Variants in TMEM163 observed in about 807,000 individuals in gnomAD.
TMEM163 encodes the protein transmembrane protein 163.
TMEM163 carries 17 observed loss-of-function variants against 29.3 expected under a neutral mutation model. That is an observed-to-expected ratio of 0.58 (90% confidence interval 0.40 to 0.87). The LOEUF (loss-of-function observed/expected upper bound fraction) is 0.87. TMEM163 is among the 40% of genes least tolerant of loss of function. The pLI is 0.00. For synonymous variants in TMEM163, 157 were observed against 160.6 expected (o/e 0.98, Z 0.17); for missense variants, 303 against 381.5 (o/e 0.79, Z 1.71).
At chr2:134,510,600 C>G (rs572798898) in intron 4 of TMEM163, among the ~76,000 whole-genome samples, 3 of 152,222 alleles carry the variant, frequency 2.0e-5, no homozygotes, top group Admixed American at 6.5e-5. Flanking sequence ...TGGCAGAACT[C>G]GGTGACTGAC....
chr2:134,535,086 C>T (rs542993230), intron 4 of TMEM163, among the ~76,000 whole-genome samples: 3 of 152,332 alleles, frequency 2.0e-5, no homozygotes, highest in Non-Finnish European at 4.4e-5. Context: ...AACACATGTC[C>T]TCATATTCTG....
intron 4 of TMEM163, among the ~76,000 whole-genome samples, chr2:134,511,449 C>T (rs116737696): frequency 0.021 from 3,164 of 152,276 alleles, 89 homozygotes; most frequent in Middle Eastern, 0.15. Flanking sequence ...AGTCAGGAGA[C>T]GCAACCTGAC....
chr2:134,625,253 T>C (rs1682822858), intron 2 of TMEM163, among the ~76,000 whole-genome samples: 1 of 152,140 alleles, frequency 6.6e-6, no homozygotes, highest in Non-Finnish European at 1.5e-5. Flanking sequence ...AAAAAAGAAA[T>C]TTCTCCTCTT....
chr2:134,705,450 C>A (rs1422912421), intron 2 of TMEM163, among the ~76,000 whole-genome samples: 2 of 152,056 alleles, frequency 1.3e-5, no homozygotes, highest in Non-Finnish European at 2.9e-5. Flanking sequence ...AGGAGAGAGG[C>A]CTCAGAAGAA....
At chr2:134,710,922 C>T (rs982622085) in intron 2 of TMEM163, among the ~76,000 whole-genome samples, 7 of 152,156 alleles carry the variant, frequency 4.6e-5, no homozygotes, top group African/African-American at 7.2e-5. Flanking sequence ...TGATGCAACT[C>T]GGCCATTTCA....
intron 5 of TMEM163, among the ~76,000 whole-genome samples, chr2:134,489,407 G>A (rs769627774): frequency 3.9e-4 from 59 of 151,984 alleles, no homozygotes; most frequent in Middle Eastern, 3.4e-3. Context: ...GAAAAACCCC[G>A]TCTCTACTAA....
At chr2:134,714,173 AT>A (rs1239092373) in intron 1 of TMEM163, among the ~76,000 whole-genome samples, 2 of 152,062 alleles carry the variant, frequency 1.3e-5, no homozygotes, top group East Asian at 3.9e-4. Flanking sequence ...GAATGTCTTG[AT>A]TTATAGGTTT....
chr2:134,503,624 TG>T lies in TMEM163; in HGVS notation c.459-628del, dbSNP rs1679750515. ...CCAATGATGAAAAGGAGAAATGATTTGGTAATGACAAGACAGGAGTTTGTGG... is the reference window on the plus strand; with the variant it reads ...CCAATGATGAAAAGGAGAAATGATTTGTAATGACAAGACAGGAGTTTGTGG... On this transcript the variant is annotated intron_variant, in intron 4 of 7. Transcript: ENST00000281924. 2.0e-5 allele frequency among the ~76,000 whole-genome samples: 3 copies of T among 152,258 alleles called. No homozygotes were observed. In the South Asian group the frequency reaches 6.2e-4, roughly 32 times the overall value.
chr2:134,528,747 T>C (rs1680348327), intron 4 of TMEM163, among the ~76,000 whole-genome samples: 1 of 142,196 alleles, frequency 7.0e-6, no homozygotes, highest in Non-Finnish European at 1.6e-5. Context: ...TAGTAATATG[T>C]CTCACACTTC....
chr2:134,701,468 C>A (rs910160931), intron 2 of TMEM163, among the ~76,000 whole-genome samples: 4 of 152,198 alleles, frequency 2.6e-5, no homozygotes, highest in Non-Finnish European at 5.9e-5. Context: ...CAGAATCCCT[C>A]CCCAGCTCTG....
intron 4 of TMEM163, among the ~76,000 whole-genome samples, chr2:134,514,425 C>T (rs1680013239): frequency 7.6e-6 from 1 of 131,288 alleles, no homozygotes; most frequent in African/African-American, 2.9e-5. Context: ...GAGGTCTGTA[C>T]ATCAATCTTG....
chr2:134,532,262 C>T (rs1263832633), intron 4 of TMEM163, among the ~76,000 whole-genome samples: 1 of 152,176 alleles, frequency 6.6e-6, no homozygotes, highest in Non-Finnish European at 1.5e-5. Flanking sequence ...GGATGCACCA[C>T]GAGTAAAGAA....
chr2:134,475,708 A>T (rs1353770544), intron 5 of TMEM163, among the ~76,000 whole-genome samples: 2 of 152,226 alleles, frequency 1.3e-5, no homozygotes, highest in Non-Finnish European at 2.9e-5. Flanking sequence ...ATGTAAGAAC[A>T]GCAAATAAGC....
At chr2:134,573,992 A>G (rs1681492445) in intron 2 of TMEM163, among the ~76,000 whole-genome samples, 1 of 152,226 alleles carries the variant, frequency 6.6e-6, no homozygotes, top group Admixed American at 6.5e-5. Context: ...CCTGTGTTCC[A>G]GAGCCTCTGG....
chr2:134,605,629 T>C (rs918207238), intron 2 of TMEM163, among the ~76,000 whole-genome samples: 3 of 148,044 alleles, frequency 2.0e-5, no homozygotes, highest in African/African-American at 7.5e-5. Context: ...ACCCGGGAGG[T>C]GAGCTGAGAT....
intron 2 of TMEM163, among the ~76,000 whole-genome samples, chr2:134,703,702 T>G (rs1015845836): frequency 5.3e-5 from 8 of 152,092 alleles, no homozygotes; most frequent in Non-Finnish European, 8.8e-5. Context: ...TGGAACCCTG[T>G]TATTTACACA....
chr2:134,698,796 A>G (rs1684632370), intron 2 of TMEM163, among the ~76,000 whole-genome samples: 1 of 152,206 alleles, frequency 6.6e-6, no homozygotes, highest in Admixed American at 6.5e-5. Flanking sequence ...GCTATATTTG[A>G]TTTCAAATTA....
intron 2 of TMEM163, among the ~76,000 whole-genome samples, chr2:134,572,909 C>T (rs950677495): frequency 4.6e-5 from 7 of 152,286 alleles, no homozygotes; most frequent in Admixed American, 2.6e-4. Flanking sequence ...GTGATTTATA[C>T]GCATCCTCTT....
At chr2:134,583,630 A>G (rs859767) in intron 2 of TMEM163, among the ~76,000 whole-genome samples, 55,140 of 152,040 alleles carry the variant, frequency 0.36, 10,839 homozygotes, top group Middle Eastern at 0.68. Context: ...GGGGTTCACC[A>G]CATCCATGCA....
Sources: gnomAD v4.1 joint callset for allele counts (sites outside exome capture counted in the v4.1 genomes callset) on GRCh38, gnomAD v4.1.1 for gene constraint, MANE v1.5 for transcripts, NCBI Gene and HGNC (gene_info 2026-07-23, HGNC 2026-07-21) for gene names.